The following C10orf88 variants were observed in gnomAD, a reference collection of about 807,000 sequenced individuals.
C10orf88 encodes the protein ATPase PAAT.
Under a neutral mutation model 34.2 loss-of-function variants are expected in C10orf88, and 29 were observed. The ratio of observed to expected loss-of-function variants is 0.85; its 90% CI spans 0.63 to 1.16. The LOEUF (loss-of-function observed/expected upper bound fraction) is 1.16, where lower values mean the gene tolerates loss of function less well. Ranked by LOEUF, C10orf88 falls within the 50% of genes most tolerant of loss-of-function variation. The pLI is 0.00. For synonymous variants in C10orf88, 194 were observed against 197.4 expected, an observed-to-expected ratio of 0.98 and a Z score of 0.15; for missense variants, 507 against 533.2, an observed-to-expected ratio of 0.95 and a Z score of 0.48.
chr10:122,947,417 A>T (rs1848650058), intron 4 of C10orf88, among the ~76,000 whole-genome samples: 1 of 152,198 alleles, frequency 6.6e-6, no homozygotes, highest in Non-Finnish European at 1.5e-5. Flanking sequence ...TATTGAAAAA[A>T]ATATTAATTA....
In C10orf88 at chr10:122,932,263, A is replaced by G. The variant is rs1352715085; in HGVS notation, c.*164T>C. 1 of 581,202 alleles carries G rather than the reference A, an allele frequency of 1.7e-6. No individual in the cohort carries two copies. Among genetic ancestry groups the G allele is most frequent in the Non-Finnish European group, 3.0e-6 (1 of 330,144 alleles). The allele number at this position is 581,202 out of a possible 1,614,324, so 36.0% of individuals were successfully genotyped here. A position where few individuals can be genotyped will look rare whatever the true frequency, so the allele number is the denominator to read the frequency against. ...ATATTAACTCAGTGTACAGTACTGGATTTAAAATAACAAGTGTAGTAAAAA... is the reference window on the plus strand; with the variant it reads ...ATATTAACTCAGTGTACAGTACTGGGTTTAAAATAACAAGTGTAGTAAAAA... On this transcript the variant is annotated 3_prime_UTR_variant, in exon 6 of 6. Transcript: ENST00000481909.
intron 4 of C10orf88, among the ~76,000 whole-genome samples, chr10:122,941,850 C>A (rs1464959508): frequency 5.9e-5 from 9 of 151,988 alleles, no homozygotes; most frequent in Admixed American, 5.3e-4. Context: ...TAGCAGTAAC[C>A]CATGAGTGTT....
intron 4 of C10orf88, among the ~76,000 whole-genome samples, chr10:122,939,293 G>C (rs1848563248): frequency 1.3e-5 from 2 of 150,536 alleles, no homozygotes; most frequent in African/African-American, 4.9e-5. Flanking sequence ...AGGAAAAAGG[G>C]GAAAGAAAAG....
intron 1 of C10orf88, among the ~76,000 whole-genome samples, chr10:122,953,252 T>C (rs1288989309): frequency 6.6e-6 from 1 of 152,176 alleles, no homozygotes; most frequent in Non-Finnish European, 1.5e-5. Flanking sequence ...TAATTTTTTG[T>C]ATTTTTCGTA....
intron 4 of C10orf88, among the ~76,000 whole-genome samples, chr10:122,943,612 T>C (rs1378878648): frequency 1.3e-5 from 2 of 152,126 alleles, no homozygotes; most frequent in Admixed American, 6.6e-5. Flanking sequence ...AGAAAATTTT[T>C]GCAACCTACT....
In C10orf88 at chr10:122,932,257, T is replaced by C; in HGVS notation, c.*170A>G. 1 of 575,442 alleles carries C rather than the reference T, an allele frequency of 1.7e-6. No individual in the cohort carries two copies. The highest frequency in any genetic ancestry group is 3.1e-6 in the Non-Finnish European group (1 of 325,608). 35.6% of individuals were successfully genotyped at this position (575,442 alleles called of 1,614,324 possible). ...TGTATCATATTAACTCAGTGTACAG[T>C]ACTGGATTTAAAATAACAAGTGTAG... is the stretch of plus-strand genomic sequence containing the variant. On this transcript the variant is annotated 3_prime_UTR_variant, in exon 6 of 6. Transcript: ENST00000481909.
intron 3 of C10orf88, among the ~76,000 whole-genome samples, chr10:122,950,062 T>C (rs946707541): frequency 1.3e-5 from 2 of 152,204 alleles, no homozygotes; most frequent in Non-Finnish European, 2.9e-5. Context: ...ACATTTCATG[T>C]ATGGTACAGA....
chr10:122,953,145 T>A, intron 1 of C10orf88, 113 bp from the exon 2 acceptor site: 1 of 818,060 alleles, frequency 1.2e-6, no homozygotes, highest in Non-Finnish European at 2.0e-6. Context: ...TGGCTCCATC[T>A]CGGCTCACTG....
At chr10:122,951,901 A>G in intron 3 of C10orf88, 53 bp downstream of exon 3, 1 of 1,106,242 alleles carries the variant, frequency 9.0e-7, no homozygotes, top group Admixed American at 2.0e-5. Flanking sequence ...ACAAGCATAC[A>G]CAGAGTACAA....
intron 1 of C10orf88, 52 bp downstream of exon 1, chr10:122,953,963 A>G (rs1421223945): frequency 5.5e-6 from 8 of 1,466,734 alleles, no homozygotes; most frequent in Non-Finnish European, 2.7e-6. Flanking sequence ...GCTCCCCTAG[A>G]AGCGCGGCAG....
At chr10:122,946,921 A>G (rs1848645954) in intron 4 of C10orf88, among the ~76,000 whole-genome samples, 1 of 152,132 alleles carries the variant, frequency 6.6e-6, no homozygotes, top group African/African-American at 2.4e-5. Flanking sequence ...AAGCTGCCCA[A>G]GGAAACATGG....
In C10orf88 at chr10:122,941,081, G is replaced by C. The variant is rs528045457; in HGVS notation, c.649-2922C>G. On this transcript the variant is annotated intron_variant, in intron 4 of 5. Coordinates refer to ENST00000481909, the MANE Select transcript of C10orf88 (RefSeq NM_024942.4). ...TTTTTTGTATCACCTTTAATAATCA[G>C]AAAGAAATTAAATAATAAAGTCATT... Among the ~76,000 whole-genome samples, 371 of 151,826 alleles carry C rather than the reference G, an allele frequency of 2.4e-3. 1 individual carries two copies. The Middle Eastern group carries it at 0.027, about 11-fold the overall frequency.
chr10:122,936,333 T>C (rs1043555636), intron 5 of C10orf88, among the ~76,000 whole-genome samples: 13 of 151,768 alleles, frequency 8.6e-5, no homozygotes, highest in Non-Finnish European at 1.8e-4. Flanking sequence ...ATACTGATGA[T>C]TGCATCTTCT....
intron 4 of C10orf88, among the ~76,000 whole-genome samples, chr10:122,945,400 T>G (rs1848630589): frequency 6.6e-6 from 1 of 152,202 alleles, no homozygotes; most frequent in African/African-American, 2.4e-5. Context: ...TTAAAGTATA[T>G]TCCTTCTGCT....
rs1848495715 is a variant in C10orf88, at chr10:122,932,671, C to G, written c.1104-10G>C. The G allele has an allele frequency of 3.9e-6, 6 of 1,554,462 alleles. No individual in the cohort carries two copies. Among genetic ancestry groups the G allele is most frequent in the South Asian group, 3.5e-5 (3 of 86,594 alleles). ...AGATTGCTCTTCCATTCTAAAAATA[C>G]ATTTTTAAAAATGTGTAAATTTTCC... On this transcript the variant is annotated splice_polypyrimidine_tract_variant and intron_variant, in intron 5 of 5. Coordinates refer to ENST00000481909, the MANE Select transcript of C10orf88 (RefSeq NM_024942.4).
At position 122,932,118 on chromosome 10, in the gene C10orf88, T is replaced by C. The variant is rs1037442660; in HGVS notation, c.*309A>G. Reference sequence around the variant, plus strand: ...AATAAAAATTATACTTAAACACATATACAATACAAACTAATGAACTGTATT... The same window carrying C: ...AATAAAAATTATACTTAAACACATACACAATACAAACTAATGAACTGTATT... On this transcript the variant is annotated 3_prime_UTR_variant, in exon 6 of 6. Transcript: ENST00000481909. The C allele has an allele frequency of 1.4e-5, 3 of 212,218 alleles. No homozygotes were observed. The highest frequency in any genetic ancestry group is 6.9e-5 in the African/African-American group (3 of 43,688). The allele number at this position is 212,218 out of a possible 1,614,324, so 13.1% of individuals were successfully genotyped here.
intron 4 of C10orf88, among the ~76,000 whole-genome samples, chr10:122,941,942 T>G (rs1003113064): frequency 6.6e-6 from 1 of 152,124 alleles, no homozygotes; most frequent in African/African-American, 2.4e-5. Flanking sequence ...CACGCCAAAC[T>G]GTTAGCTGTG....
chr10:122,941,705 T>TA (rs1848584488), intron 4 of C10orf88, among the ~76,000 whole-genome samples: 1 of 152,134 alleles, frequency 6.6e-6, no homozygotes, highest in South Asian at 2.1e-4. Flanking sequence ...GGACTTTTCT[T>TA]ACTAGGAAGG....
intron 4 of C10orf88, among the ~76,000 whole-genome samples, chr10:122,943,890 A>G (rs539908833): frequency 0.013 from 2,037 of 152,162 alleles, 23 homozygotes; most frequent in Middle Eastern, 0.027. Context: ...TGCTGGAGAG[A>G]ATGTGGAGAA....
Sources: allele counts gnomAD v4.1 joint callset (sites outside exome capture counted in the v4.1 genomes callset), GRCh38; gene constraint gnomAD v4.1.1; transcripts MANE v1.5; gene names NCBI Gene and HGNC (gene_info 2026-07-23, HGNC 2026-07-21).